BAIAP2: variants seen among roughly 807,000 people sequenced by gnomAD.
BAIAP2 encodes the protein BAR/IMD domain-containing adapter protein 2.
BAIAP2 carries 18 observed loss-of-function variants against 63.0 expected under a neutral mutation model. That is an observed-to-expected ratio of 0.29 (90% CI 0.20 to 0.42). BAIAP2 has a LOEUF of 0.42. Among genes scored for constraint, BAIAP2 ranks in the 10% least tolerant of loss-of-function variants. The pLI is 1.00. For synonymous variants in BAIAP2, 386 were observed against 307.6 expected, an observed-to-expected ratio of 1.25 and a Z score of -2.67; for missense variants, 610 against 734.3, an observed-to-expected ratio of 0.83 and a Z score of 1.96.
rs761999735 is a variant in BAIAP2 at position 81,057,986 on chromosome 17, CCCCGCCTG to C, written c.217+20_217+27del. ...GAACTCGGTGAGACCCCCCCCCCCC[CCCCGCCTG>C]GTAGTCGCCTGATGCCCTCAGGCAG... is the stretch of plus-strand genomic sequence containing the variant. On this transcript the variant is annotated intron_variant, in intron 3 of 13. Coordinates refer to ENST00000428708, the MANE Select transcript of BAIAP2 (RefSeq NM_001144888.2). The C allele has an allele frequency of 2.5e-3, 2,981 of 1,201,438 alleles. 37 individuals carry two copies. The highest frequency in any genetic ancestry group is 5.1e-3 in the Middle Eastern group (21 of 4,112). The allele number at this position is 1,201,438 out of a possible 1,614,324, so 74.4% of individuals were successfully genotyped here.
chr17:81,081,029 C>T lies in BAIAP2; in HGVS notation c.218-3803C>T, dbSNP rs116091871. Among the ~76,000 whole-genome samples the T allele has an allele frequency of 6.7e-3, 1,020 of 152,288 alleles. 10 individuals carry two copies. The highest frequency in any genetic ancestry group is 0.023 in the African/African-American group (972 of 41,562). ...GGGGCTGAGGGAGCACTGGCCAGGGCACAGGCTTGGGTGGGTTCCCCCTCT... is the reference window on the plus strand; with the variant it reads ...GGGGCTGAGGGAGCACTGGCCAGGGTACAGGCTTGGGTGGGTTCCCCCTCT... On this transcript the variant is annotated intron_variant, in intron 3 of 13. Transcript: ENST00000428708.
chr17:81,111,594 C>T (rs2059934396), intron 13 of BAIAP2, among the ~76,000 whole-genome samples: 1 of 152,248 alleles, frequency 6.6e-6, no homozygotes, highest in African/African-American at 2.4e-5. Flanking sequence ...CAGGTTTGAG[C>T]TGACGCTCAC....
chr17:81,076,889 C>T (rs571943041), intron 3 of BAIAP2, among the ~76,000 whole-genome samples: 22 of 152,222 alleles, frequency 1.4e-4, no homozygotes, highest in Middle Eastern at 3.4e-3. Flanking sequence ...GAGGATCCCT[C>T]GAACCCAGGA....
intron 2 of BAIAP2, chr17:81,057,594 C>A (rs921159200): frequency 1.8e-6 from 2 of 1,107,812 alleles, no homozygotes; most frequent in African/African-American, 1.6e-5. Context: ...CCTGGTAGCA[C>A]GTGATAGGGA....
intron 3 of BAIAP2, among the ~76,000 whole-genome samples, chr17:81,084,082 A>T (rs1421997783): frequency 6.6e-6 from 1 of 152,122 alleles, no homozygotes; most frequent in East Asian, 1.9e-4. Context: ...CTGTGCCGCC[A>T]CGATTTTGAT....
intron 13 of BAIAP2, 37 bp from the exon 14 acceptor site, chr17:81,115,733 C>T (rs1309080879): frequency 9.9e-6 from 16 of 1,612,914 alleles, no homozygotes; most frequent in Non-Finnish European, 1.3e-5. Context: ...CCCATGGCTT[C>T]CGCCCTAAAA....
chr17:81,057,097 A>T (rs935346624), intron 2 of BAIAP2, among the ~76,000 whole-genome samples: 1 of 152,224 alleles, frequency 6.6e-6, no homozygotes, highest in African/African-American at 2.4e-5. Context: ...GGTTCTGTAG[A>T]AAACGGATTA....
intron 3 of BAIAP2, among the ~76,000 whole-genome samples, chr17:81,068,063 C>G (rs1275560674): frequency 1.3e-5 from 2 of 152,222 alleles, no homozygotes; most frequent in African/African-American, 4.8e-5. Flanking sequence ...GTCTGCATCT[C>G]TGGGGTCCTG....
At chr17:81,108,200 A>G (rs1380316788) in intron 12 of BAIAP2, 13 of 523,416 alleles carry the variant, frequency 2.5e-5, no homozygotes, top group Non-Finnish European at 4.0e-5. Flanking sequence ...CCAGTCTTGC[A>G]TCTGTTTGGG....
At chr17:81,055,907 G>T (rs890199687) in intron 2 of BAIAP2, among the ~76,000 whole-genome samples, 4 of 152,124 alleles carry the variant, frequency 2.6e-5, no homozygotes, top group Non-Finnish European at 4.4e-5. Flanking sequence ...TTGGGCTGTG[G>T]CAGTGACCCC....
chr17:81,051,187 G>A (rs1175005945), intron 1 of BAIAP2, among the ~76,000 whole-genome samples: 1 of 151,830 alleles, frequency 6.6e-6, no homozygotes, highest in Admixed American at 6.6e-5. Context: ...CAGCATCCCC[G>A]TCCCTTTAGG....
At chr17:81,088,012 G>C (rs1273175835) in intron 6 of BAIAP2, among the ~76,000 whole-genome samples, 4 of 152,086 alleles carry the variant, frequency 2.6e-5, no homozygotes, top group African/African-American at 9.7e-5. Context: ...CCTGAGCAGT[G>C]GGCATGGGGA....
At chr17:81,108,135 A>T in intron 12 of BAIAP2, 1 of 403,532 alleles carries the variant, frequency 2.5e-6, no homozygotes, top group Non-Finnish European at 4.5e-6. Context: ...GAGGTGCTGC[A>T]GGTGCCCTGC....
chr17:81,114,712 G>T (rs145036927), intron 13 of BAIAP2, among the ~76,000 whole-genome samples: 1 of 152,168 alleles, frequency 6.6e-6, no homozygotes, highest in African/African-American at 2.4e-5. Context: ...AGCTGCCTCT[G>T]CCCTGTGCCT....
chr17:81,036,730 T>G, intron 1 of BAIAP2: 1 of 744,760 alleles, frequency 1.3e-6, no homozygotes, highest in South Asian at 1.8e-5. Context: ...CCTGGGGTTG[T>G]TAGGTTTGGT....
At chr17:81,095,169 G>A (rs1289294659) in intron 6 of BAIAP2, among the ~76,000 whole-genome samples, 2 of 152,198 alleles carry the variant, frequency 1.3e-5, no homozygotes. Flanking sequence ...CACGCAGCCG[G>A]TGGCTCAGCG....
intron 1 of BAIAP2, among the ~76,000 whole-genome samples, chr17:81,045,995 G>A (rs558486620): frequency 3.0e-4 from 45 of 152,288 alleles, no homozygotes; most frequent in Non-Finnish European, 5.7e-4. Flanking sequence ...TGGCCTGGGG[G>A]GGCTCATGGT....
chr17:81,055,574 G>GTTTTTTGTTTTTTTTTGTGTT (rs370775327), intron 2 of BAIAP2, among the ~76,000 whole-genome samples: 1 of 123,406 alleles, frequency 8.1e-6, no homozygotes, highest in Non-Finnish European at 1.7e-5. Flanking sequence ...AGGGTGTTTT[G>GTTTTTTGTTTTTTTTTGTGTT]TTTTTTTTTG....
chr17:81,063,343 T>C (rs1218900659), intron 3 of BAIAP2, among the ~76,000 whole-genome samples: 2 of 152,230 alleles, frequency 1.3e-5, no homozygotes, highest in Non-Finnish European at 2.9e-5. Flanking sequence ...ATCTGTCATC[T>C]GTGTTCTTGC....
Sources: gnomAD v4.1 joint callset for allele counts (sites outside exome capture counted in the v4.1 genomes callset) on GRCh38, gnomAD v4.1.1 for gene constraint, MANE v1.5 for transcripts, NCBI Gene and HGNC (gene_info 2026-07-23, HGNC 2026-07-21) for gene names.